Variants in FLRT1 observed in about 807,000 individuals in gnomAD.
The protein encoded by FLRT1 is leucine-rich repeat transmembrane protein FLRT1.
Under a neutral mutation model 30.9 loss-of-function variants are expected in FLRT1, and 14 were observed. The ratio of observed to expected loss-of-function variants is 0.45; its 90% CI spans 0.30 to 0.71. The LOEUF is 0.71. Ranked by LOEUF, FLRT1 falls within the 30% of genes least tolerant of loss-of-function variation. FLRT1 has a pLI of 0.08. For missense variants in FLRT1, 737 were observed against 949.2 expected (o/e 0.78, Z 2.94); for synonymous variants, 368 against 430.4 (o/e 0.85, Z 1.80).
At chr11:64,084,827 G>A (rs1197434931) in intron 1 of FLRT1, among the ~76,000 whole-genome samples, 1 of 152,240 alleles carries the variant, frequency 6.6e-6, no homozygotes, top group African/African-American at 2.4e-5. Context: ...GGTCCAAAGA[G>A]GTAATGCCCC....
At chr11:64,062,803 G>A (rs1407327680) in intron 1 of FLRT1, among the ~76,000 whole-genome samples, 1 of 152,124 alleles carries the variant, frequency 6.6e-6, no homozygotes, top group Non-Finnish European at 1.5e-5. Flanking sequence ...TTTATCAGGT[G>A]CCTGCCCACA....
Position 64,074,613 on chromosome 11 carries a change from T to C in FLRT1, c.-1037-28581T>C, listed in dbSNP as rs564263366. Among the ~76,000 whole-genome samples the C allele has an allele frequency of 3.3e-5, 5 of 152,278 alleles. No individual in the cohort carries two copies. In the East Asian group the frequency reaches 9.7e-4, roughly 29 times the overall value. On this transcript the variant is annotated intron_variant, in intron 1 of 2. Coordinates refer to ENST00000682287, the MANE Select transcript of FLRT1 (RefSeq NM_013280.5). ...TCCGTGGCAGCCCTTCTCCCATTGC[T>C]GAACTGGGCTTTCCCCAAGGGGGGC...
At chr11:64,102,473 C>T (rs1944687702) in intron 1 of FLRT1, among the ~76,000 whole-genome samples, 1 of 152,228 alleles carries the variant, frequency 6.6e-6, no homozygotes, top group Non-Finnish European at 1.5e-5. Context: ...AAAGGCAGTG[C>T]TTGTTCTGGA....
intron 1 of FLRT1, among the ~76,000 whole-genome samples, chr11:64,095,815 G>T (rs1399087214): frequency 6.6e-6 from 1 of 152,204 alleles, no homozygotes; most frequent in Non-Finnish European, 1.5e-5. Context: ...GCCAAGAGGG[G>T]CTCCAAGTCA....
In FLRT1 at chr11:64,096,766, C is replaced by T. The variant is rs1358380356; in HGVS notation, c.-1037-6428C>T. 9.9e-5 allele frequency among the ~76,000 whole-genome samples: 15 copies of T among 152,184 alleles called. No homozygotes were observed. Among genetic ancestry groups the T allele is most frequent in the Admixed American group, 9.2e-4 (14 of 15,280 alleles). On this transcript the variant is annotated intron_variant, in intron 1 of 2. Coordinates refer to ENST00000682287, the MANE Select transcript of FLRT1 (RefSeq NM_013280.5). This position sits in a 1 kb window ranked among gnomAD's most constrained non-coding sequence, Gnocchi z 4.6. ...TGCTCTGTGAAGGGGCAGGCTCTGG[C>T]CGCAGTGCCCCTCCCTGAGGGGAAG... is the stretch of plus-strand genomic sequence containing the variant.
At chr11:64,095,627 G>A (rs1171512052) in intron 1 of FLRT1, among the ~76,000 whole-genome samples, 3 of 152,222 alleles carry the variant, frequency 2.0e-5, no homozygotes, top group Non-Finnish European at 4.4e-5. Flanking sequence ...GCTTCCCCCA[G>A]CTGCACCTGA....
At chr11:64,045,550 C>T (rs1943568917) in intron 1 of FLRT1, among the ~76,000 whole-genome samples, 1 of 152,128 alleles carries the variant, frequency 6.6e-6, no homozygotes, top group Admixed American at 6.5e-5. Flanking sequence ...ACTTATGGGA[C>T]CCAATTTGGT....
At position 64,081,805 on chromosome 11, in the gene FLRT1, G is replaced by A. The variant is rs553424156; in HGVS notation, c.-1037-21389G>A. On this transcript the variant is annotated intron_variant, in intron 1 of 2. Coordinates refer to ENST00000682287, the MANE Select transcript of FLRT1 (RefSeq NM_013280.5). ...TCCTCCACTGCCTCCTGGAGCTGCCGGAGAGAGGTCCGGGTCCGTTCTCCC... is the reference window on the plus strand; with the variant it reads ...TCCTCCACTGCCTCCTGGAGCTGCCAGAGAGAGGTCCGGGTCCGTTCTCCC... 8 of 152,208 alleles carry A rather than the reference G, an allele frequency of 5.3e-5. No homozygotes were observed. In the East Asian group the frequency reaches 5.8e-4, roughly 11 times the overall value. The allele number at this position is 152,208 out of a possible 1,614,324, so 9.4% of individuals were successfully genotyped here.
chr11:64,076,761 T>C (rs1944209277), intron 1 of FLRT1, among the ~76,000 whole-genome samples: 1 of 152,190 alleles, frequency 6.6e-6, no homozygotes, highest in Admixed American at 6.5e-5. Context: ...ATGTTGTTGT[T>C]GGCAGAGCTA....
intron 2 of FLRT1, among the ~76,000 whole-genome samples, chr11:64,107,321 A>T (rs1433713635): frequency 6.6e-6 from 1 of 152,240 alleles, no homozygotes; most frequent in Non-Finnish European, 1.5e-5. Flanking sequence ...GAACAAAATT[A>T]CACGTGTCTC....
chr11:64,070,584 C>G (rs1331854721), intron 1 of FLRT1, among the ~76,000 whole-genome samples: 2 of 152,200 alleles, frequency 1.3e-5, no homozygotes, highest in African/African-American at 4.8e-5. Flanking sequence ...TCACCCTCCC[C>G]TCTCCCCCGG....
chr11:64,106,728 G>A (rs575257147), intron 2 of FLRT1, among the ~76,000 whole-genome samples: 1 of 152,322 alleles, frequency 6.6e-6, no homozygotes, highest in Admixed American at 6.5e-5. Flanking sequence ...GCTGAGGAGA[G>A]AAGCAGTGCA....
intron 1 of FLRT1, among the ~76,000 whole-genome samples, chr11:64,056,131 C>T (rs909221646): frequency 1.4e-4 from 22 of 152,226 alleles, no homozygotes; most frequent in Middle Eastern, 3.4e-3. Flanking sequence ...TAAGCAGCCC[C>T]GGCAGTTGGG....
At chr11:64,057,306 C>T (rs1943805382) in intron 1 of FLRT1, among the ~76,000 whole-genome samples, 1 of 152,346 alleles carries the variant, frequency 6.6e-6, no homozygotes, top group Middle Eastern at 3.4e-3. Context: ...TCCCTCTGCT[C>T]AGGCCGCAGG....
chr11:64,104,846 G>A (rs902395904), intron 2 of FLRT1, among the ~76,000 whole-genome samples: 1 of 152,170 alleles, frequency 6.6e-6, no homozygotes, highest in Non-Finnish European at 1.5e-5. Flanking sequence ...CCTCCCTGCC[G>A]CTGAGGAGGG....
chr11:64,056,110 AC>A (rs1365460876), intron 1 of FLRT1, among the ~76,000 whole-genome samples: 1 of 151,964 alleles, frequency 6.6e-6, no homozygotes, highest in Non-Finnish European at 1.5e-5. Context: ...AGTCTGCTCC[AC>A]CCCCGGCAAT....
chr11:64,075,855 G>T lies in FLRT1; in HGVS notation c.-1037-27339G>T, dbSNP rs766961894. ...GCCCAGCTAATTTTGTACTTTTTTA[G>T]TAGAGACGGGGTTTCACCATGTTGG... On this transcript the variant is annotated intron_variant, in intron 1 of 2. Transcript: ENST00000682287. Among the ~76,000 whole-genome samples the T allele has an allele frequency of 3.1e-4, 47 of 152,198 alleles. 1 individual carries two copies. The highest frequency in any genetic ancestry group is 1.0e-3 in the Admixed American group (16 of 15,272).
chr11:64,071,334 G>T (rs1049982757), intron 1 of FLRT1, among the ~76,000 whole-genome samples: 16 of 152,102 alleles, frequency 1.1e-4, no homozygotes, highest in Non-Finnish European at 2.1e-4. Flanking sequence ...TCCCAGACCT[G>T]CGGTCTCAAT....
intron 1 of FLRT1, among the ~76,000 whole-genome samples, chr11:64,044,697 A>C (rs1943551954): frequency 6.6e-6 from 1 of 152,138 alleles, no homozygotes; most frequent in Non-Finnish European, 1.5e-5. Context: ...GAGGATGGGA[A>C]ACTGAGGCAT....
Sources: allele counts gnomAD v4.1 joint callset (sites outside exome capture counted in the v4.1 genomes callset), GRCh38; gene constraint gnomAD v4.1.1; non-coding constraint Gnocchi (gnomAD v3.1); transcripts MANE v1.5; gene names NCBI Gene and HGNC (gene_info 2026-07-23, HGNC 2026-07-21).